NDUFAF1: variants seen among roughly 807,000 people sequenced by gnomAD.
NDUFAF1 encodes the protein NADH:ubiquinone oxidoreductase complex assembly factor 1, also known as complex I intermediate-associated protein 30, mitochondrial.
NDUFAF1 carries 18 observed loss-of-function variants against 28.7 expected under a neutral mutation model. The ratio of observed to expected loss-of-function variants is 0.63; its 90% CI spans 0.43 to 0.93. NDUFAF1 has a LOEUF of 0.93. NDUFAF1 is among the 40% of genes least tolerant of loss of function. The pLI, the probability that NDUFAF1 is intolerant of heterozygous loss-of-function variation, is 0.00. For synonymous variants in NDUFAF1, 113 were observed against 139.7 expected, an observed-to-expected ratio of 0.81 and a Z score of 1.35; for missense variants, 404 against 398.3, an observed-to-expected ratio of 1.01 and a Z score of -0.12.
intron 3 of NDUFAF1, among the ~76,000 whole-genome samples, chr15:41,393,644 C>T (rs1447766577): frequency 6.8e-6 from 1 of 147,678 alleles, no homozygotes; most frequent in Admixed American, 6.9e-5. Context: ...AGCAGTGGCC[C>T]ATCTCGGCTC....
At chr15:41,394,739 A>G in intron 3 of NDUFAF1, 120 bp downstream of exon 3, 1 of 992,966 alleles carries the variant, frequency 1.0e-6, no homozygotes, top group South Asian at 1.4e-5. Context: ...CCTGGTCTCG[A>G]ACTCCTGACC....
intron 3 of NDUFAF1, among the ~76,000 whole-genome samples, chr15:41,392,960 G>C (rs769155940): frequency 6.6e-6 from 1 of 152,084 alleles, no homozygotes; most frequent in Non-Finnish European, 1.5e-5. Flanking sequence ...ACCTGGACCA[G>C]GGTGGGAGTA....
At position 41,401,801 on chromosome 15, in the gene NDUFAF1, G is replaced by A. The variant is rs75572206; in HGVS notation, c.-82+343C>T. Among the ~76,000 whole-genome samples, 889 of 152,190 alleles carry A rather than the reference G, an allele frequency of 5.8e-3. 10 individuals carry two copies. Among genetic ancestry groups the A allele is most frequent in the African/African-American group, 0.02 (843 of 41,522 alleles). ...TTTTCACATGTATTATAAACGTTAA[G>A]GGAACCAGGAAAAATTAACAGTTGA... On this transcript the variant is annotated intron_variant, in intron 1 of 4. Transcript: ENST00000260361.
At chr15:41,392,907 C>A (rs183179168) in intron 3 of NDUFAF1, among the ~76,000 whole-genome samples, 1 of 152,126 alleles carries the variant, frequency 6.6e-6, no homozygotes, top group Non-Finnish European at 1.5e-5. Flanking sequence ...GGCAAGAAGA[C>A]AAACAGGGAA....
At position 41,394,990 on chromosome 15, in the gene NDUFAF1, G is replaced by A. The variant is rs2050365365; in HGVS notation, c.628C>T (p.Leu210Phe). 6.2e-7 allele frequency: 1 copy of A among 1,614,118 alleles called. No homozygotes were observed. The highest frequency in any genetic ancestry group is 1.3e-5 in the African/African-American group (1 of 75,034). Residue 210 changes from leucine to phenylalanine, a missense_variant, in exon 3 of 5, where the codon CTC (leucine) becomes TTC (phenylalanine). Physicochemically the swap from Leu to Phe is conservative, Grantham distance 22. Coordinates refer to ENST00000260361, the MANE Select transcript of NDUFAF1 (RefSeq NM_016013.4). ...YDWSQFNTLY[L>F]RVRGDGRPWM... ...GGCCGACCATCCCCACGTACACGGA[G>A]ATACAGAGTATTGAACTGGGACCAA...
chr15:41,401,414 G>A, intron 1 of NDUFAF1, among the ~76,000 whole-genome samples: 1 of 150,932 alleles, frequency 6.6e-6, no homozygotes, highest in East Asian at 1.9e-4. Flanking sequence ...GAAATTACAG[G>A]TGCCCGCCAC....
At chr15:41,397,473 G>C (rs1254715016) in intron 1 of NDUFAF1, among the ~76,000 whole-genome samples, 2 of 152,026 alleles carry the variant, frequency 1.3e-5, no homozygotes, top group Non-Finnish European at 1.5e-5. Context: ...CCAGCACTTT[G>C]GGAGGCTGAG....
intron 3 of NDUFAF1, among the ~76,000 whole-genome samples, chr15:41,389,024 TTCTC>T (rs1283915146): frequency 6.6e-6 from 1 of 152,156 alleles, no homozygotes; most frequent in Non-Finnish European, 1.5e-5. Flanking sequence ...TTCATATTTC[TTCTC>T]TATGTAATTT....
rs1179539276 is a variant in NDUFAF1, at chr15:41,400,369, CAAAAAA to C, written c.-82+1769_-82+1774del. 5.4e-5 allele frequency among the ~76,000 whole-genome samples: 5 copies of C among 91,840 alleles called. 1 individual carries two copies. Among genetic ancestry groups the C allele is most frequent in the African/African-American group, 1.9e-4 (5 of 25,858 alleles). The allele number at this position is 91,840 out of a possible 152,430, so 60.3% of individuals were successfully genotyped here. A position where few individuals can be genotyped will look rare whatever the true frequency, so the allele number is the denominator to read the frequency against. On this transcript the variant is annotated intron_variant, in intron 1 of 4. Coordinates refer to ENST00000260361, the MANE Select transcript of NDUFAF1 (RefSeq NM_016013.4). ...GGGCAACAAGAGCAAAATTCCATCT[CAAAAAA>C]AAAAAAAAAAAAATAGAGATGAGGT...
chr15:41,399,593 G>A (rs1189956251), intron 1 of NDUFAF1, among the ~76,000 whole-genome samples: 2 of 151,568 alleles, frequency 1.3e-5, no homozygotes, highest in African/African-American at 2.4e-5. Flanking sequence ...GGTGGCTCAC[G>A]CCTGTAATCC....
intron 2 of NDUFAF1, among the ~76,000 whole-genome samples, chr15:41,396,106 C>T (rs1329131893): frequency 2.0e-5 from 3 of 151,610 alleles, no homozygotes; most frequent in Admixed American, 2.0e-4. Context: ...AAAAAGAAAG[C>T]CACAGGCTAA....
chr15:41,393,772 C>G (rs1273032440), intron 3 of NDUFAF1, among the ~76,000 whole-genome samples: 1 of 148,406 alleles, frequency 6.7e-6, no homozygotes, highest in African/African-American at 2.5e-5. Context: ...AGAGTTTCAC[C>G]ATGTTGGCCA....
Position 41,390,976 on chromosome 15 carries a change from C to T in NDUFAF1, c.760-2454G>A, listed in dbSNP as rs2050309322. On this transcript the variant is annotated intron_variant, in intron 3 of 4. Transcript: ENST00000260361. ...CCTGGAAGGCAGAGCTTGCAGTGAG[C>T]CGAGATCCCGCCACTGCAGTCCAGC... Among the ~76,000 whole-genome samples the T allele has an allele frequency of 2.0e-5, 3 of 151,962 alleles. No homozygotes were observed. The South Asian group carries it at 6.2e-4, about 31-fold the overall frequency.
At chr15:41,389,823 T>A (rs2050296090) in intron 3 of NDUFAF1, among the ~76,000 whole-genome samples, 1 of 152,180 alleles carries the variant, frequency 6.6e-6, no homozygotes, top group African/African-American at 2.4e-5. Flanking sequence ...ATATTAATAG[T>A]TATTCCAGTA....
At chr15:41,394,313 T>G in intron 3 of NDUFAF1, 1 of 1,272,234 alleles carries the variant, frequency 7.9e-7, no homozygotes, top group Middle Eastern at 2.2e-4. Context: ...GGATTACAGG[T>G]GTGAGCCACC....
At chr15:41,391,469 AC>A (rs2050315149) in intron 3 of NDUFAF1, among the ~76,000 whole-genome samples, 1 of 151,910 alleles carries the variant, frequency 6.6e-6, no homozygotes, top group African/African-American at 2.4e-5. Context: ...TCCTAAAAAT[AC>A]AAAAATTAGC....
Position 41,402,167 on chromosome 15 carries a change from T to G in NDUFAF1, c.-105A>C. The G allele has an allele frequency of 2.2e-6, 1 of 453,620 alleles. No individual in the cohort carries two copies. Among genetic ancestry groups the G allele is most frequent in the Non-Finnish European group, 4.4e-6 (1 of 226,326 alleles). The allele number at this position is 453,620 out of a possible 1,614,324, so 28.1% of individuals were successfully genotyped here. A position where few individuals can be genotyped will look rare whatever the true frequency, so the allele number is the denominator to read the frequency against. ...ACCATGTGCCAGAAACTGCTCTAAG[T>G]GTTTCACTGACGGCTCACAACAATC... On this transcript the variant is annotated 5_prime_UTR_variant, in exon 1 of 5. Coordinates refer to ENST00000260361, the MANE Select transcript of NDUFAF1 (RefSeq NM_016013.4).
At chr15:41,398,481 GAA>G (rs375356140) in intron 1 of NDUFAF1, among the ~76,000 whole-genome samples, 11 of 117,214 alleles carry the variant, frequency 9.4e-5, no homozygotes, top group African/African-American at 1.3e-4. Context: ...AATTCCATGT[GAA>G]AAAAAAAAAA....
chr15:41,399,392 T>TA (rs750171805), intron 1 of NDUFAF1, among the ~76,000 whole-genome samples: 1,279 of 118,994 alleles, frequency 0.011, 14 homozygotes, highest in African/African-American at 0.032. Flanking sequence ...TGACTCCAAC[T>TA]AAAAAAAAAA....
Sources: gnomAD v4.1 joint callset for allele counts (sites outside exome capture counted in the v4.1 genomes callset) on GRCh38, gnomAD v4.1.1 for gene constraint, MANE v1.5 for transcripts, NCBI Gene and HGNC (gene_info 2026-07-23, HGNC 2026-07-21) for gene names.